Variants in ABI3BP observed in about 807,000 individuals in gnomAD.
The protein encoded by ABI3BP is ABI family member 3 binding protein.
In ABI3BP, 216 loss-of-function variants were observed where a neutral mutation model predicts 268.6. That is an observed-to-expected ratio of 0.80 (90% CI 0.72 to 0.90). The LOEUF is 0.90. Ranked by LOEUF, ABI3BP falls within the 40% of genes least tolerant of loss-of-function variation. ABI3BP has a pLI of 0.00. For synonymous variants in ABI3BP, 730 were observed against 730.0 expected, an observed-to-expected ratio of 1.00 and a Z score of 0.00; for missense variants, 2,090 against 2,182.4, an observed-to-expected ratio of 0.96 and a Z score of 0.84.
intron 61 of ABI3BP, among the ~76,000 whole-genome samples, chr3:100,771,844 A>G (rs2096555383): frequency 6.6e-6 from 1 of 152,186 alleles, no homozygotes; most frequent in South Asian, 2.1e-4. Context: ...AAATATTTTA[A>G]GAAATAATGG....
At chr3:100,873,648 G>A (rs901870882) in intron 9 of ABI3BP, among the ~76,000 whole-genome samples, 2 of 152,086 alleles carry the variant, frequency 1.3e-5, no homozygotes, top group African/African-American at 4.8e-5. Context: ...AAAAATATTT[G>A]GGTTATATCT....
chr3:100,778,580 C>T (rs1471044330), intron 58 of ABI3BP: 6 of 586,342 alleles, frequency 1.0e-5, no homozygotes, highest in African/African-American at 1.9e-5. Flanking sequence ...GGGACAACAA[C>T]GCACTGTAGT....
intron 62 of ABI3BP, among the ~76,000 whole-genome samples, chr3:100,766,934 T>C (rs1227188777): frequency 1.3e-5 from 2 of 152,172 alleles, no homozygotes; most frequent in South Asian, 4.1e-4. Context: ...CCCAGTGGTA[T>C]GAGATGGACA....
At chr3:100,840,256 C>G in intron 22 of ABI3BP, 92 bp from the exon 23 acceptor site, 1 of 983,504 alleles carries the variant, frequency 1.0e-6, no homozygotes, top group Non-Finnish European at 1.4e-6. Context: ...ACATTTAAAC[C>G]CTTTGATTTA....
At chr3:100,951,963 T>C (rs558491204) in intron 1 of ABI3BP, among the ~76,000 whole-genome samples, 4 of 150,150 alleles carry the variant, frequency 2.7e-5, no homozygotes, top group South Asian at 2.1e-4. Flanking sequence ...TAAGTCAATG[T>C]TTTCCAGCAA....
At chr3:100,814,506 C>A (rs2097956282) in intron 44 of ABI3BP, among the ~76,000 whole-genome samples, 1 of 152,208 alleles carries the variant, frequency 6.6e-6, no homozygotes, top group South Asian at 2.1e-4. Context: ...CATCAGCCCA[C>A]ATCGTTCCTT....
chr3:100,758,574 A>G (rs1232695341), intron 63 of ABI3BP, among the ~76,000 whole-genome samples: 1 of 152,216 alleles, frequency 6.6e-6, no homozygotes, highest in Non-Finnish European at 1.5e-5. Context: ...GTTATTGGAA[A>G]GATCGAAAAT....
intron 19 of ABI3BP, among the ~76,000 whole-genome samples, chr3:100,847,273 A>G (rs1317300926): frequency 1.3e-5 from 2 of 152,220 alleles, no homozygotes; most frequent in Non-Finnish European, 2.9e-5. Context: ...GTTGAACTTG[A>G]GAGTCTTACT....
intron 9 of ABI3BP, among the ~76,000 whole-genome samples, chr3:100,871,982 A>G (rs1477259702): frequency 2.6e-5 from 4 of 152,134 alleles, no homozygotes; most frequent in Non-Finnish European, 5.9e-5. Context: ...GACTACAGGC[A>G]TGTACCATCA....
intron 1 of ABI3BP, among the ~76,000 whole-genome samples, chr3:100,938,300 T>TA (rs35474962): frequency 0.027 from 3,915 of 144,342 alleles, 134 homozygotes; most frequent in African/African-American, 0.085. Flanking sequence ...ACCTAAAAGT[T>TA]AAAAAAAAAA....
chr3:100,981,953 A>G (rs569538129), intron 1 of ABI3BP, among the ~76,000 whole-genome samples: 34 of 152,166 alleles, frequency 2.2e-4, no homozygotes, highest in Non-Finnish European at 3.8e-4. Flanking sequence ...TACTATAAAG[A>G]AATACCCAAG....
In ABI3BP at chr3:100,838,251, G is replaced by A; in HGVS notation, c.2042C>T (p.Pro681Leu). The A allele has an allele frequency of 6.5e-7, 1 of 1,536,482 alleles. No homozygotes were observed. The highest frequency in any genetic ancestry group is 1.2e-5 in the South Asian group (1 of 84,050). ...SKPPKQLLPK[P>L]QTTAEPDMPP... is the part of the protein sequence containing the mutation. ...CATGTCTGGTTCTGCTGTGGTTTGG[G>A]GTTTAGGAAGTAATTGTTTTGGTGG... The change falls in exon 26 of 68, where the codon CCC (proline) becomes CTC (leucine). Residue 681 changes from proline to leucine, a missense_variant. Pro to Leu is a moderately conservative substitution (Grantham distance 98). Coordinates refer to ENST00000471714, the MANE Select transcript of ABI3BP (RefSeq NM_001375547.2).
intron 30 of ABI3BP, 144 bp from the exon 31 acceptor site, chr3:100,832,494 G>T (rs1455704766): frequency 2.7e-6 from 2 of 733,876 alleles, no homozygotes; most frequent in Admixed American, 5.8e-5. Context: ...TTCTCCTTCA[G>T]TATCTTAATA....
At chr3:100,833,212 C>T (rs576170486) in intron 29 of ABI3BP, 55 bp from the exon 30 acceptor site, 146 of 1,441,534 alleles carry the variant, frequency 1.0e-4, no homozygotes, top group Admixed American at 2.0e-4. Context: ...GTTAAACACA[C>T]GAGAAAAGCC....
chr3:100,991,520 C>T (rs2092913302), intron 1 of ABI3BP, among the ~76,000 whole-genome samples: 1 of 152,126 alleles, frequency 6.6e-6, no homozygotes, highest in South Asian at 2.1e-4. Flanking sequence ...GAATCAGCTG[C>T]CCTTCCACCC....
At chr3:100,785,542 T>C (rs963401532) in intron 57 of ABI3BP, among the ~76,000 whole-genome samples, 2 of 152,234 alleles carry the variant, frequency 1.3e-5, no homozygotes, top group Non-Finnish European at 2.9e-5. Flanking sequence ...ATGTTATCTA[T>C]AATTTCTGAA....
At chr3:100,840,027 A>C in intron 23 of ABI3BP, 45 bp downstream of exon 23, 1 of 1,408,830 alleles carries the variant, frequency 7.1e-7, no homozygotes, top group Non-Finnish European at 9.5e-7. Context: ...AGAAGCTGCC[A>C]TATTCCACTT....
chr3:100,854,313 C>G (rs1429791273), intron 14 of ABI3BP, among the ~76,000 whole-genome samples: 1 of 151,994 alleles, frequency 6.6e-6, no homozygotes, highest in Non-Finnish European at 1.5e-5. Flanking sequence ...GAGCCGAGAT[C>G]TCGCCACTGC....
chr3:100,847,039 A>G (rs1244147484), intron 19 of ABI3BP, among the ~76,000 whole-genome samples: 2 of 152,208 alleles, frequency 1.3e-5, no homozygotes, highest in Non-Finnish European at 2.9e-5. Context: ...TGCAGATGCA[A>G]CAATAAATTT....
Sources: allele counts gnomAD v4.1 joint callset (sites outside exome capture counted in the v4.1 genomes callset), GRCh38; gene constraint gnomAD v4.1.1; transcripts MANE v1.5; gene names NCBI Gene and HGNC (gene_info 2026-07-23, HGNC 2026-07-21).